The following FBXO28 variants were observed in gnomAD, a reference collection of about 807,000 sequenced individuals.
FBXO28 encodes the protein F-box only protein 28.
FBXO28 carries 8 observed loss-of-function variants against 38.1 expected under a neutral mutation model. The observed-to-expected ratio is 0.21, with a 90% CI of 0.12 to 0.38. The LOEUF (loss-of-function observed/expected upper bound fraction) is 0.38, where lower values mean the gene tolerates loss of function less well. Among genes scored for constraint, FBXO28 ranks in the 10% least tolerant of loss-of-function variants. FBXO28 has a pLI of 1.00. For missense variants in FBXO28, 345 were observed against 460.6 expected, an observed-to-expected ratio of 0.75 and a Z score of 2.30; for synonymous variants, 168 against 173.8, an observed-to-expected ratio of 0.97 and a Z score of 0.26.
At chr1:224,120,601 G>A (rs193021235) in intron 1 of FBXO28, among the ~76,000 whole-genome samples, 40 of 152,234 alleles carry the variant, frequency 2.6e-4, no homozygotes, top group Admixed American at 4.6e-4. Flanking sequence ...GGTGGCTCAC[G>A]CCTGTAATCC....
intron 1 of FBXO28, among the ~76,000 whole-genome samples, chr1:224,117,270 C>T (rs548938704): frequency 2.1e-5 from 3 of 141,380 alleles, no homozygotes; most frequent in East Asian, 2.1e-4. Flanking sequence ...GGGGTTCAAG[C>T]GATTCTCCTG....
chr1:224,114,216 C>G lies in FBXO28; in HGVS notation c.87C>G (p.Thr29=). The G allele has an allele frequency of 6.5e-7, 1 of 1,550,170 alleles. No individual in the cohort carries two copies. Among genetic ancestry groups the G allele is most frequent in the East Asian group, 2.4e-5 (1 of 41,104 alleles). Reference sequence around the variant, plus strand: ...GTTCCTCTTTGGCCTCCGGCTCTACCCAGCGACAGCCTCCACCGCCCGCGC... The same window carrying G: ...GTTCCTCTTTGGCCTCCGGCTCTACGCAGCGACAGCCTCCACCGCCCGCGC... ...DGGSSLASGS[T]QRQPPPPAPQ... is the part of the protein sequence containing the mutation. The change falls in exon 1 of 5, where the codon ACC becomes ACG. Residue 29 remains threonine, a synonymous_variant. Coordinates refer to ENST00000366862, the MANE Select transcript of FBXO28 (RefSeq NM_015176.4).
chr1:224,126,218 A>T (rs1656900635), intron 1 of FBXO28, among the ~76,000 whole-genome samples: 1 of 142,446 alleles, frequency 7.0e-6, no homozygotes, highest in Non-Finnish European at 1.5e-5. Context: ...CTTAAATACT[A>T]CACTAGCCAG....
chr1:224,139,879 G>T (rs999357934), intron 3 of FBXO28, among the ~76,000 whole-genome samples: 1 of 151,968 alleles, frequency 6.6e-6, no homozygotes, highest in African/African-American at 2.4e-5. Flanking sequence ...GCTTGAAGCC[G>T]CCAGGAGTTC....
intron 3 of FBXO28, among the ~76,000 whole-genome samples, chr1:224,135,631 A>G (rs368831159): frequency 6.8e-5 from 9 of 131,994 alleles, no homozygotes; most frequent in East Asian, 6.7e-4. Context: ...AAAAAAAAAA[A>G]AAAAGAAAAA....
intron 1 of FBXO28, among the ~76,000 whole-genome samples, chr1:224,123,048 C>G (rs888289232): frequency 1.3e-5 from 2 of 151,384 alleles, no homozygotes; most frequent in African/African-American, 4.9e-5. Context: ...GGACAAATCA[C>G]ATAATTTCTT....
rs187878138 is a variant in FBXO28, at chr1:224,154,806, C to T, written c.712+1469C>T. ...CAGCCTGGGTGACAGTGCGAGACTCCGTCTCAAAAAAAAAAAAAAAAATTA... is the reference window on the plus strand; with the variant it reads ...CAGCCTGGGTGACAGTGCGAGACTCTGTCTCAAAAAAAAAAAAAAAAATTA... On this transcript the variant is annotated intron_variant, in intron 4 of 4. Coordinates refer to ENST00000366862, the MANE Select transcript of FBXO28 (RefSeq NM_015176.4). 8.3e-3 allele frequency among the ~76,000 whole-genome samples: 1,002 copies of T among 120,774 alleles called. 14 individuals carry two copies. Among genetic ancestry groups the T allele is most frequent in the African/African-American group, 0.028 (928 of 33,166 alleles). The allele number at this position is 120,774 out of a possible 152,430, so 79.2% of individuals were successfully genotyped here. A position where few individuals can be genotyped will look rare whatever the true frequency, so the allele number is the denominator to read the frequency against.
chr1:224,142,051 T>C (rs1055448666), intron 3 of FBXO28, among the ~76,000 whole-genome samples: 2 of 151,856 alleles, frequency 1.3e-5, no homozygotes, highest in Non-Finnish European at 2.9e-5. Context: ...TAAATTTTTT[T>C]TTTTTTTTTA....
intron 4 of FBXO28, among the ~76,000 whole-genome samples, chr1:224,157,105 A>G (rs995825616): frequency 6.6e-5 from 10 of 152,204 alleles, no homozygotes; most frequent in African/African-American, 2.4e-4. Flanking sequence ...ATGCCATTAA[A>G]TGCCCTTCTC....
At chr1:224,143,849 AG>A (rs1657431112) in intron 3 of FBXO28, among the ~76,000 whole-genome samples, 1 of 150,394 alleles carries the variant, frequency 6.6e-6, no homozygotes, top group African/African-American at 2.4e-5. Context: ...AAAAAAAAAA[AG>A]AAAAATGAAT....
intron 3 of FBXO28, among the ~76,000 whole-genome samples, chr1:224,147,420 CAAA>C (rs11405030): frequency 2.2e-5 from 3 of 139,142 alleles, no homozygotes; most frequent in Non-Finnish European, 3.1e-5. Context: ...GAGACTGTGT[CAAA>C]AAAAAAAAAA....
intron 1 of FBXO28, among the ~76,000 whole-genome samples, chr1:224,114,695 C>T (rs1207551230): frequency 6.6e-6 from 1 of 151,532 alleles, no homozygotes; most frequent in East Asian, 1.9e-4. Flanking sequence ...GTTGGTCTTC[C>T]CACCTTCCGC....
chr1:224,146,310 T>TA (rs889432044), intron 3 of FBXO28, among the ~76,000 whole-genome samples: 34 of 151,836 alleles, frequency 2.2e-4, no homozygotes, highest in African/African-American at 8.2e-4. Flanking sequence ...GAAATTTTTT[T>TA]AAAAAATAAA....
chr1:224,122,952 C>T (rs1182009485), intron 1 of FBXO28, among the ~76,000 whole-genome samples: 1 of 152,080 alleles, frequency 6.6e-6, no homozygotes, highest in African/African-American at 2.4e-5. Flanking sequence ...GGTTATATAG[C>T]TGTGGGTCAC....
At chr1:224,138,304 G>A (rs536218246) in intron 3 of FBXO28, among the ~76,000 whole-genome samples, 2 of 151,874 alleles carry the variant, frequency 1.3e-5, no homozygotes, top group East Asian at 3.9e-4. Flanking sequence ...TTGGTAAAAG[G>A]CCAGTTTATA....
At chr1:224,136,499 G>A (rs1231929835) in intron 3 of FBXO28, among the ~76,000 whole-genome samples, 2 of 151,552 alleles carry the variant, frequency 1.3e-5, no homozygotes, top group African/African-American at 2.4e-5. Flanking sequence ...CAAGGTGGGC[G>A]GATCACAAGG....
chr1:224,145,800 G>A (rs1027775588), intron 3 of FBXO28, among the ~76,000 whole-genome samples: 1 of 152,120 alleles, frequency 6.6e-6, no homozygotes, highest in Admixed American at 6.6e-5. Flanking sequence ...CAGGCGCAGT[G>A]ACTCACACCT....
intron 1 of FBXO28, 84 bp from the exon 2 acceptor site, chr1:224,130,388 A>G: frequency 1.2e-6 from 1 of 848,314 alleles, no homozygotes; most frequent in Admixed American, 2.0e-5. Flanking sequence ...AGTGGGATAC[A>G]GAGAGCTTTA....
At chr1:224,130,333 C>A (rs1335856518) in intron 1 of FBXO28, 139 bp from the exon 2 acceptor site, 4 of 574,146 alleles carry the variant, frequency 7.0e-6, no homozygotes, top group Non-Finnish European at 1.2e-5. Flanking sequence ...CAGAGTGAGA[C>A]TTCGTCTCAA....
Sources: gnomAD v4.1 joint callset for allele counts (sites outside exome capture counted in the v4.1 genomes callset) on GRCh38, gnomAD v4.1.1 for gene constraint, MANE v1.5 for transcripts, NCBI Gene and HGNC (gene_info 2026-07-23, HGNC 2026-07-21) for gene names.